The following YY1AP1 variants were observed in gnomAD, a reference collection of about 807,000 sequenced individuals.
YY1AP1 encodes YY1 associated protein 1.
In YY1AP1, 43 loss-of-function variants were observed where a neutral mutation model predicts 39.9. The ratio of observed to expected loss-of-function variants is 1.08; its 90% CI spans 0.84 to 1.39. The LOEUF (loss-of-function observed/expected upper bound fraction) is 1.39. Ranked by LOEUF, YY1AP1 falls within the 40% of genes most tolerant of loss-of-function variation. The pLI is 0.00. For missense variants in YY1AP1, 813 were observed against 900.7 expected (o/e 0.90, Z 1.25); for synonymous variants, 292 against 331.3 (o/e 0.88, Z 1.29).
At chr1:155,662,714 C>G (rs1011733724) in intron 9 of YY1AP1, among the ~76,000 whole-genome samples, 1 of 151,976 alleles carries the variant, frequency 6.6e-6, no homozygotes, top group Non-Finnish European at 1.5e-5. Context: ...AAAAAATGTA[C>G]AAAGGGCTGG....
At position 155,676,637 on chromosome 1, in the gene YY1AP1, C is replaced by T. The variant is rs763431851; in HGVS notation, c.235G>A (p.Glu79Lys). 1.4e-5 allele frequency: 23 copies of T among 1,614,066 alleles called. No individual in the cohort carries two copies. The Admixed American group carries it at 3.7e-4, about 26-fold the overall frequency. ...TCCTTACACTGGGGTTTAACCTTCT[C>T]TACCTCCTTCTGCTGTTTGGCTGAA... Reference protein sequence around the residue: ...KPSAKQQKEVEKVKPQCKEVH... With the variant: ...KPSAKQQKEVKKVKPQCKEVH... Residue 79 changes from glutamate to lysine, a missense_variant, in exon 5 of 11, where the codon GAG becomes AAG. Glu to Lys is a moderately conservative substitution (Grantham distance 56). Around this residue, in one of 3 missense-constraint regions of YY1AP1, gnomAD observed 196 missense variants for 189.7 expected, o/e 1.03. Transcript: ENST00000355499.
chr1:155,669,895 C>G (rs897666064), intron 8 of YY1AP1, among the ~76,000 whole-genome samples: 1 of 152,122 alleles, frequency 6.6e-6, no homozygotes, highest in Non-Finnish European at 1.5e-5. Context: ...TGGTGGCACA[C>G]GCTTGTGGTC....
chr1:155,661,115 C>G (rs1648030902), intron 10 of YY1AP1, 192 bp downstream of exon 10: 3 of 1,505,148 alleles, frequency 2.0e-6, no homozygotes, highest in Non-Finnish European at 2.7e-6. Context: ...ACCATTTTAC[C>G]CATTATTTTG....
At position 155,685,387 on chromosome 1, in the gene YY1AP1, C is replaced by T. The variant is rs539343065; in HGVS notation, c.-21+2684G>A. Among the ~76,000 whole-genome samples the T allele has an allele frequency of 6.6e-5, 10 of 152,258 alleles. No individual in the cohort carries two copies. In the South Asian group the frequency reaches 2.1e-3, roughly 32 times the overall value. On this transcript the variant is annotated intron_variant, in intron 2 of 10. Coordinates refer to ENST00000355499, the MANE Select transcript of YY1AP1 (RefSeq NM_139119.3). ...GACCATATATTAATTATCTTTGTGT[C>T]TCCTGCATAGGATTAACTCAGTGTT...
intron 1 of YY1AP1, chr1:155,688,452 C>G: frequency 6.5e-7 from 1 of 1,549,048 alleles, no homozygotes; most frequent in Non-Finnish European, 8.7e-7. Flanking sequence ...CCGCTTCGCC[C>G]GACTCCGGCC....
chr1:155,683,980 G>A lies in YY1AP1; in HGVS notation c.-20-3524C>T, dbSNP rs116789949. On this transcript the variant is annotated intron_variant, in intron 2 of 10. Coordinates refer to ENST00000355499, the MANE Select transcript of YY1AP1 (RefSeq NM_139119.3). Reference sequence around the variant, plus strand: ...AGCAAGACCTGGGCCAGGTGCAGTGGCTCACTCCTATAATCCCAGCACTTT... The same window carrying A: ...AGCAAGACCTGGGCCAGGTGCAGTGACTCACTCCTATAATCCCAGCACTTT... Among the ~76,000 whole-genome samples the A allele has an allele frequency of 6.2e-3, 941 of 152,306 alleles. 10 individuals are homozygous for A. The highest frequency in any genetic ancestry group is 0.022 in the African/African-American group (917 of 41,566).
Position 155,688,716 on chromosome 1 carries a change from C to T in YY1AP1, c.-209G>A. 19 of 1,520,476 alleles carry T rather than the reference C, an allele frequency of 1.2e-5. No individual in the cohort carries two copies. The highest frequency in any genetic ancestry group is 1.7e-5 in the Non-Finnish European group (19 of 1,140,954). 94.2% of individuals were successfully genotyped at this position (1,520,476 alleles called of 1,614,324 possible). On this transcript the variant is annotated 5_prime_UTR_variant, in exon 1 of 11. Transcript: ENST00000355499. ...TCCTCTTCTCTCCTCCCCCTCCCTC[C>T]CCGCCCGCACGGCCACCAACCGCCG...
intron 5 of YY1AP1, 118 bp from the exon 6 acceptor site, chr1:155,675,214 G>A: frequency 3.4e-6 from 3 of 871,792 alleles, no homozygotes; most frequent in Admixed American, 2.2e-5. Context: ...AGCTTGGAGT[G>A]CAGTGGTGCA....
intron 4 of YY1AP1, among the ~76,000 whole-genome samples, chr1:155,678,306 C>T (rs1359457193): frequency 6.6e-6 from 1 of 152,174 alleles, no homozygotes; most frequent in Non-Finnish European, 1.5e-5. Context: ...TGATAGATTT[C>T]ACAGAGGGTA....
intron 3 of YY1AP1, chr1:155,680,012 C>T: frequency 4.4e-6 from 1 of 229,292 alleles, no homozygotes; most frequent in Non-Finnish European, 8.5e-6. Context: ...CCTGTCTCTA[C>T]AAAAAAATAA....
At chr1:155,663,036 C>T (rs1648406901) in intron 9 of YY1AP1, among the ~76,000 whole-genome samples, 1 of 150,740 alleles carries the variant, frequency 6.6e-6, no homozygotes, top group Non-Finnish European at 1.5e-5. Context: ...AACAAAAGTA[C>T]AAAGGTGTGC....
In YY1AP1 at chr1:155,688,691, T is replaced by G; in HGVS notation, c.-184A>C. Reference sequence around the variant, plus strand: ...GGCGCGAGCCCAAGCCTTCTCCACCTCCTCTTCTCTCCTCCCCCTCCCTCC... The same window carrying G: ...GGCGCGAGCCCAAGCCTTCTCCACCGCCTCTTCTCTCCTCCCCCTCCCTCC... On this transcript the variant is annotated 5_prime_UTR_variant, in exon 1 of 11. Transcript: ENST00000355499. 6.6e-7 allele frequency: 1 copy of G among 1,523,386 alleles called. No individual in the cohort carries two copies. Among genetic ancestry groups the G allele is most frequent in the Non-Finnish European group, 8.7e-7 (1 of 1,143,076 alleles). The allele number at this position is 1,523,386 out of a possible 1,614,324, so 94.4% of individuals were successfully genotyped here. A position where few individuals can be genotyped will look rare whatever the true frequency, so the allele number is the denominator to read the frequency against.
At chr1:155,680,602 T>C in intron 2 of YY1AP1, 146 bp from the exon 3 acceptor site, 1 of 663,676 alleles carries the variant, frequency 1.5e-6, no homozygotes, top group Non-Finnish European at 2.6e-6. Context: ...GGTCTCACTC[T>C]GTCACCCGGG....
At chr1:155,687,423 A>G (rs1301369678) in intron 2 of YY1AP1, among the ~76,000 whole-genome samples, 2 of 142,054 alleles carry the variant, frequency 1.4e-5, no homozygotes, top group Non-Finnish European at 3.0e-5. Context: ...ACCTCCCAAC[A>G]TTTATTCAAG....
At position 155,665,553 on chromosome 1, in the gene YY1AP1, C is replaced by G. The variant is rs1456550831; in HGVS notation, c.879+3074G>C. 2.0e-5 allele frequency among the ~76,000 whole-genome samples: 3 copies of G among 151,436 alleles called. No individual in the cohort carries two copies. In the East Asian group the frequency reaches 5.8e-4, roughly 29 times the overall value. On this transcript the variant is annotated intron_variant, in intron 9 of 10. Transcript: ENST00000355499. ...GGCGGACGTTGCAGTGAGCCAAGAT[C>G]ATCGCGCCTTTGGACTCCAGCCTGG... is the stretch of plus-strand genomic sequence containing the variant.
chr1:155,669,661 T>C (rs1039746893), intron 8 of YY1AP1, among the ~76,000 whole-genome samples: 3 of 152,170 alleles, frequency 2.0e-5, no homozygotes, highest in African/African-American at 7.2e-5. Context: ...TAACATAACA[T>C]ATATAATCAT....
In YY1AP1 at chr1:155,670,559, C is replaced by G. The variant is rs1017060379; in HGVS notation, c.584-95G>C. 7 of 1,344,944 alleles carry G rather than the reference C, an allele frequency of 5.2e-6. No homozygotes were observed. The African/African-American group carries it at 8.8e-5, about 17-fold the overall frequency. The allele number at this position is 1,344,944 out of a possible 1,614,324, so 83.3% of individuals were successfully genotyped here. On this transcript the variant is annotated intron_variant, in intron 7 of 10. Coordinates refer to ENST00000355499, the MANE Select transcript of YY1AP1 (RefSeq NM_139119.3). ...CATTTTTGCATTTAGGTAGAGCTGT[C>G]CTTATCTAACTTGATTCCCTCCCAT... is the stretch of plus-strand genomic sequence containing the variant.
chr1:155,681,273 G>A (rs916627682), intron 2 of YY1AP1, among the ~76,000 whole-genome samples: 3 of 149,886 alleles, frequency 2.0e-5, no homozygotes, highest in Non-Finnish European at 3.0e-5. Context: ...CAGGTGATCC[G>A]CCCACCTCAG....
rs1488301107 is a variant in YY1AP1 at position 155,688,708 on chromosome 1, C to T, written c.-201G>A. 6.6e-6 allele frequency: 10 copies of T among 1,522,176 alleles called. No individual in the cohort carries two copies. Among genetic ancestry groups the T allele is most frequent in the Middle Eastern group, 1.9e-4 (1 of 5,360 alleles). The allele number at this position is 1,522,176 out of a possible 1,614,324, so 94.3% of individuals were successfully genotyped here. ...TCTCCACCTCCTCTTCTCTCCTCCC[C>T]CTCCCTCCCCGCCCGCACGGCCACC... On this transcript the variant is annotated 5_prime_UTR_variant, in exon 1 of 11. Transcript: ENST00000355499.
Sources: allele counts gnomAD v4.1 joint callset (sites outside exome capture counted in the v4.1 genomes callset), GRCh38; gene constraint gnomAD v4.1.1; regional missense constraint gnomAD v4.1.1; transcripts MANE v1.5; gene names NCBI Gene and HGNC (gene_info 2026-07-23, HGNC 2026-07-21).